SERPINI1: variants seen among roughly 807,000 people sequenced by gnomAD.
SERPINI1 encodes the protein neuroserpin.
A neutral mutation model predicts 41.1 loss-of-function variants in SERPINI1; 19 were observed. That is an observed-to-expected ratio of 0.46 (90% CI 0.32 to 0.68). The LOEUF is 0.68. SERPINI1 is among the 30% of genes least tolerant of loss of function. The pLI is 0.03. For missense variants in SERPINI1, 460 were observed against 479.2 expected (o/e 0.96, Z 0.37); for synonymous variants, 138 against 156.6 (o/e 0.88, Z 0.89).
rs116739373 is a variant in SERPINI1, at chr3:167,782,942, T to C, written c.-18-6169T>C. Among the ~76,000 whole-genome samples, 469 of 151,758 alleles carry C rather than the reference T, an allele frequency of 3.1e-3. 2 individuals carry two copies. The highest frequency in any genetic ancestry group is 0.011 in the African/African-American group (445 of 41,384). On this transcript the variant is annotated intron_variant, in intron 1 of 8. Transcript: ENST00000446050. ...GAGTTACAGGATCCATGAAGGAGAGTAAGTAGAAAGTTGTGCTGCGTCACA... is the reference window on the plus strand; with the variant it reads ...GAGTTACAGGATCCATGAAGGAGAGCAAGTAGAAAGTTGTGCTGCGTCACA...
intron 1 of SERPINI1, among the ~76,000 whole-genome samples, chr3:167,778,956 C>A (rs931797306): frequency 1.3e-5 from 2 of 152,218 alleles, no homozygotes; most frequent in African/African-American, 2.4e-5. Flanking sequence ...TTAGATTCAT[C>A]CTGCTACGAT....
At position 167,747,569 on chromosome 3, in the gene SERPINI1, G is replaced by C. The variant is rs113673197; in HGVS notation, c.-19+11746G>C. Among the ~76,000 whole-genome samples, 1,149 of 152,218 alleles carry C rather than the reference G, an allele frequency of 7.5e-3. 10 individuals carry two copies. Among genetic ancestry groups the C allele is most frequent in the East Asian group, 0.046 (239 of 5,166 alleles). On this transcript the variant is annotated intron_variant, in intron 1 of 8. Coordinates refer to ENST00000446050, the MANE Select transcript of SERPINI1 (RefSeq NM_001122752.2). ...TGAGGCAGGAGAATGGCGTGAACCC[G>C]GGAGGCGGAACTTGCAGTGAGCCGA...
chr3:167,790,449 A>G lies in SERPINI1; in HGVS notation c.328A>G (p.Asn110Asp). Residue 110 changes from asparagine (N) to aspartate (D), a missense_variant, in exon 3 of 9, where the codon AAT (asparagine) becomes GAT (aspartate). Physicochemically the swap from Asn to Asp is conservative, Grantham distance 23. Coordinates refer to ENST00000446050, the MANE Select transcript of SERPINI1 (RefSeq NM_001122752.2). ...KESQYVMKIA[N>D]SLFVQNGFHV... ...GAGCCAATATGTGATGAAAATTGCC[A>G]ATTCCTTGTTTGTGCAAAATGGATT... 6.2e-7 allele frequency: 1 copy of G among 1,614,050 alleles called. No homozygotes were observed. Among genetic ancestry groups the G allele is most frequent in the South Asian group, 1.1e-5 (1 of 91,088 alleles).
chr3:167,799,286 T>C (rs1052700815), intron 5 of SERPINI1, among the ~76,000 whole-genome samples: 1 of 152,184 alleles, frequency 6.6e-6, no homozygotes, highest in African/African-American at 2.4e-5. Context: ...AGTGACAACA[T>C]GCGGTGTTTG....
chr3:167,822,994 G>C lies in SERPINI1; in HGVS notation c.988G>C (p.Glu330Gln). Residue 330 changes from glutamate to glutamine, a missense_variant, in exon 7 of 9, where the codon GAG becomes CAG. Glu to Gln is a conservative substitution (Grantham distance 29, BLOSUM62 2). Coordinates refer to ENST00000446050, the MANE Select transcript of SERPINI1 (RefSeq NM_001122752.2). ...TGATTCTCTTTTTGCAGATAATAAG[G>C]AGATTTTTCTTTCCAAAGCAATTCA... ...ANLTGLSDNK[E>Q]IFLSKAIHKS... 2.5e-6 allele frequency: 4 copies of C among 1,595,380 alleles called. No individual in the cohort carries two copies. The highest frequency in any genetic ancestry group is 3.4e-6 in the Non-Finnish European group (4 of 1,163,102).
chr3:167,756,464 T>C (rs1326125417), intron 1 of SERPINI1, among the ~76,000 whole-genome samples: 1 of 151,874 alleles, frequency 6.6e-6, no homozygotes, highest in Non-Finnish European at 1.5e-5. Context: ...CATTCATCTT[T>C]GTTTTTGTTT....
chr3:167,741,425 T>C (rs769250682), intron 1 of SERPINI1, among the ~76,000 whole-genome samples: 4 of 152,178 alleles, frequency 2.6e-5, no homozygotes, highest in Non-Finnish European at 5.9e-5. Context: ...ATCTTGGCTT[T>C]TCTTGAACAG....
intron 5 of SERPINI1, among the ~76,000 whole-genome samples, chr3:167,799,845 T>C (rs1028667999): frequency 6.6e-6 from 1 of 152,226 alleles, no homozygotes; most frequent in Non-Finnish European, 1.5e-5. Flanking sequence ...AAATGTCTTC[T>C]TTTGAGAAGT....
chr3:167,768,313 G>A (rs1364601522), intron 1 of SERPINI1, among the ~76,000 whole-genome samples: 1 of 152,130 alleles, frequency 6.6e-6, no homozygotes, highest in East Asian at 1.9e-4. Context: ...TAAGGTATGT[G>A]CCTTATTTTT....
At chr3:167,744,283 A>G (rs1725770212) in intron 1 of SERPINI1, among the ~76,000 whole-genome samples, 1 of 152,070 alleles carries the variant, frequency 6.6e-6, no homozygotes, top group Admixed American at 6.6e-5. Context: ...TGCATTACAC[A>G]GTAACTGGCG....
At chr3:167,810,790 A>G (rs1342664401) in intron 6 of SERPINI1, among the ~76,000 whole-genome samples, 4 of 152,208 alleles carry the variant, frequency 2.6e-5, no homozygotes, top group African/African-American at 9.6e-5. Flanking sequence ...TACCCACAGT[A>G]CAACTTCTTT....
chr3:167,772,827 T>A (rs75236923), intron 1 of SERPINI1, among the ~76,000 whole-genome samples: 1,265 of 13,364 alleles, frequency 0.095, 10 homozygotes, highest in Admixed American at 0.19. Flanking sequence ...CTTGAGACTC[T>A]CTCTCTCTCT....
chr3:167,764,316 C>G (rs997221014), intron 1 of SERPINI1, among the ~76,000 whole-genome samples: 1 of 152,182 alleles, frequency 6.6e-6, no homozygotes, highest in Admixed American at 6.5e-5. Flanking sequence ...AATGGACTTA[C>G]AGTTCCACGT....
chr3:167,800,808 T>G (rs1357132756), intron 5 of SERPINI1, among the ~76,000 whole-genome samples: 2 of 152,124 alleles, frequency 1.3e-5, no homozygotes, highest in Admixed American at 1.3e-4. Context: ...TTGTTTTGTT[T>G]TGTTTTGTTT....
chr3:167,789,412 T>C (rs1727424146), intron 2 of SERPINI1, 34 bp downstream of exon 2: 2 of 1,613,234 alleles, frequency 1.2e-6, no homozygotes, highest in Non-Finnish European at 1.7e-6. Context: ...CTCAAGACTT[T>C]TGAATTTGAC....
intron 1 of SERPINI1, among the ~76,000 whole-genome samples, chr3:167,759,586 A>G (rs996390192): frequency 6.6e-6 from 1 of 152,064 alleles, no homozygotes; most frequent in Non-Finnish European, 1.5e-5. Flanking sequence ...GTGCACATGG[A>G]TATAAAGATG....
intron 2 of SERPINI1, 64 bp from the exon 3 acceptor site, chr3:167,790,308 C>T (rs1249898858): frequency 8.1e-7 from 1 of 1,232,012 alleles, no homozygotes; most frequent in Non-Finnish European, 1.2e-6. Context: ...TAATGCTCCT[C>T]CACTCTCCTT....
In SERPINI1 at chr3:167,752,665, T is replaced by C. The variant is rs369285318; in HGVS notation, c.-19+16842T>C. On this transcript the variant is annotated intron_variant, in intron 1 of 8. Transcript: ENST00000446050. ...TCCTGTATAACTTTATAAATTATAC[T>C]GTGTTTAGGAGAAAATGCAACATCC... 2.6e-5 allele frequency among the ~76,000 whole-genome samples: 4 copies of C among 152,130 alleles called. No homozygotes were observed. The East Asian group carries it at 5.8e-4, about 22-fold the overall frequency.
rs988487468 is a variant in SERPINI1, at chr3:167,825,461, A to G, written c.*138A>G. The G allele has an allele frequency of 3.7e-5, 24 of 656,852 alleles. No homozygotes were observed. The highest frequency in any genetic ancestry group is 4.0e-4 in the Middle Eastern group (1 of 2,530). The allele number at this position is 656,852 out of a possible 1,614,324, so 40.7% of individuals were successfully genotyped here. On this transcript the variant is annotated 3_prime_UTR_variant, in exon 9 of 9. Coordinates refer to ENST00000446050, the MANE Select transcript of SERPINI1 (RefSeq NM_001122752.2). ...TTCCAGATAAAAACAATATATGTAAATTATAAGTAACTTGTCAAGGAATGT... is the reference window on the plus strand; with the variant it reads ...TTCCAGATAAAAACAATATATGTAAGTTATAAGTAACTTGTCAAGGAATGT...
Sources: allele counts gnomAD v4.1 joint callset (sites outside exome capture counted in the v4.1 genomes callset), GRCh38; gene constraint gnomAD v4.1.1; transcripts MANE v1.5; gene names NCBI Gene and HGNC (gene_info 2026-07-23, HGNC 2026-07-21).